Variants in RAPGEF4 observed in about 807,000 individuals in gnomAD.
RAPGEF4 encodes the protein Rap guanine nucleotide exchange factor 4.
A neutral mutation model predicts 147.9 loss-of-function variants in RAPGEF4; 66 were observed. That is an observed-to-expected ratio of 0.45 (90% CI 0.37 to 0.55). The LOEUF (loss-of-function observed/expected upper bound fraction) is 0.55, where lower values mean the gene tolerates loss of function less well. Ranked by LOEUF, RAPGEF4 falls within the 20% of genes least tolerant of loss-of-function variation. The pLI is 0.00. For synonymous variants in RAPGEF4, 419 were observed against 442.7 expected (o/e 0.95, Z 0.67); for missense variants, 1,071 against 1,257.3 (o/e 0.85, Z 2.24).
At chr2:172,919,774 C>T (rs535639278) in intron 5 of RAPGEF4, among the ~76,000 whole-genome samples, 89 of 152,214 alleles carry the variant, frequency 5.8e-4, no homozygotes, top group Middle Eastern at 3.4e-3. Flanking sequence ...TTCTGATTCC[C>T]GCAAAACCAG....
intron 1 of RAPGEF4, among the ~76,000 whole-genome samples, chr2:172,760,506 C>T (rs1040224936): frequency 6.6e-6 from 1 of 152,110 alleles, no homozygotes; most frequent in Non-Finnish European, 1.5e-5. Flanking sequence ...ATCACAAGGT[C>T]AGGAGATCGA....
At chr2:172,744,703 G>A (rs1319318261) in intron 1 of RAPGEF4, among the ~76,000 whole-genome samples, 1 of 152,134 alleles carries the variant, frequency 6.6e-6, no homozygotes, top group African/African-American at 2.4e-5. Context: ...GCATTTGCCA[G>A]GAATGCCAGG....
intron 23 of RAPGEF4, among the ~76,000 whole-genome samples, chr2:173,025,733 G>A (rs2105947211): frequency 6.6e-6 from 1 of 152,344 alleles, no homozygotes; most frequent in South Asian, 2.1e-4. Flanking sequence ...GTGAGCCACT[G>A]TGCCAGCCAC....
intron 3 of RAPGEF4, among the ~76,000 whole-genome samples, chr2:172,812,559 G>T (rs954841673): frequency 6.6e-6 from 1 of 152,154 alleles, no homozygotes; most frequent in Non-Finnish European, 1.5e-5. Context: ...CAAACTACTC[G>T]TGTCAGGGAT....
intron 1 of RAPGEF4, among the ~76,000 whole-genome samples, chr2:172,768,330 A>G (rs1239338358): frequency 6.6e-6 from 1 of 152,142 alleles, no homozygotes; most frequent in Non-Finnish European, 1.5e-5. Flanking sequence ...TATATCTACC[A>G]AAAAACCTTA....
At chr2:172,794,878 C>A in intron 1 of RAPGEF4, 147 bp from the exon 2 acceptor site, 1 of 817,620 alleles carries the variant, frequency 1.2e-6, no homozygotes, top group Non-Finnish European at 1.9e-6. Flanking sequence ...CCAGAAATAC[C>A]TATAAGGGGG....
At chr2:172,749,756 C>T (rs1695100273) in intron 1 of RAPGEF4, among the ~76,000 whole-genome samples, 1 of 152,178 alleles carries the variant, frequency 6.6e-6, no homozygotes, top group Admixed American at 6.5e-5. Flanking sequence ...CATCATTGGG[C>T]TGTGAATTTC....
intron 12 of RAPGEF4, among the ~76,000 whole-genome samples, chr2:172,986,475 G>T (rs866762982): frequency 6.6e-6 from 1 of 152,084 alleles, no homozygotes; most frequent in Non-Finnish European, 1.5e-5. Flanking sequence ...ATTTTAGTAA[G>T]AATGTAACTT....
At position 172,920,677 on chromosome 2, in the gene RAPGEF4, T is replaced by C. The variant is rs564992265; in HGVS notation, c.518-1604T>C. On this transcript the variant is annotated intron_variant, in intron 5 of 30. Transcript: ENST00000397081. ...CTTTTCAGTGTCATTTCTCTACAGATACCCTAATTTCCAGCTACTCATATA... is the reference window on the plus strand; with the variant it reads ...CTTTTCAGTGTCATTTCTCTACAGACACCCTAATTTCCAGCTACTCATATA... Among the ~76,000 whole-genome samples the C allele has an allele frequency of 8.5e-5, 13 of 152,324 alleles. No individual in the cohort carries two copies. The South Asian group carries it at 2.7e-3, about 32-fold the overall frequency.
chr2:172,961,696 AC>A (rs1457306449), intron 8 of RAPGEF4, among the ~76,000 whole-genome samples: 1 of 152,206 alleles, frequency 6.6e-6, no homozygotes, highest in Non-Finnish European at 1.5e-5. Context: ...TGTCCAAATC[AC>A]AAGTCTAGTG....
chr2:172,787,599 CTTTATTTATTTATTTA>C lies in RAPGEF4; in HGVS notation c.66-7403_66-7388del, dbSNP rs60645567. ...CTGTTTGGGCTGCTAAAACAAAGTG[CTTTATTTATTTATTTA>C]TTTATTTATTTATTTATTTATTGAG... On this transcript the variant is annotated intron_variant, in intron 1 of 30. Transcript: ENST00000397081. 5.5e-5 allele frequency among the ~76,000 whole-genome samples: 8 copies of C among 145,466 alleles called. No homozygotes were observed. In the East Asian group the frequency reaches 6.1e-4, roughly 11 times the overall value.
rs188488289 is a variant in RAPGEF4, at chr2:172,956,570, C to T, written c.538-4190C>T. Among the ~76,000 whole-genome samples, 1,407 of 151,078 alleles carry T rather than the reference C, an allele frequency of 9.3e-3. 20 individuals carry two copies. The highest frequency in any genetic ancestry group is 0.031 in the African/African-American group (1,271 of 41,218). Reference sequence around the variant, plus strand: ...CTGCAACCTCCGCCTCCCGGGTTCACGCCATTCTCCTGCCTCAGCCTCCCA... The same window carrying T: ...CTGCAACCTCCGCCTCCCGGGTTCATGCCATTCTCCTGCCTCAGCCTCCCA... On this transcript the variant is annotated intron_variant, in intron 6 of 30. Coordinates refer to ENST00000397081, the MANE Select transcript of RAPGEF4 (RefSeq NM_007023.4).
At chr2:172,826,735 T>C (rs930741495) in intron 4 of RAPGEF4, among the ~76,000 whole-genome samples, 1 of 152,104 alleles carries the variant, frequency 6.6e-6, no homozygotes, top group Admixed American at 6.5e-5. Context: ...GGGAGGGTGA[T>C]GCGAGCAGAT....
intron 6 of RAPGEF4, among the ~76,000 whole-genome samples, chr2:172,941,570 T>A (rs1412527645): frequency 2.6e-5 from 4 of 152,234 alleles, no homozygotes; most frequent in African/African-American, 9.6e-5. Flanking sequence ...GCTTTTTTTC[T>A]TATCATTATT....
At chr2:172,926,013 CGGAG>C (rs1216575540) in intron 6 of RAPGEF4, among the ~76,000 whole-genome samples, 35 of 65,036 alleles carry the variant, frequency 5.4e-4, no homozygotes, top group South Asian at 2.4e-3. Flanking sequence ...AAAGAAAGGA[CGGAG>C]GGAGGGAGGG....
rs369286856 is a variant in RAPGEF4 at position 172,960,172 on chromosome 2, T to A, written c.538-588T>A. On this transcript the variant is annotated intron_variant, in intron 6 of 30. Coordinates refer to ENST00000397081, the MANE Select transcript of RAPGEF4 (RefSeq NM_007023.4). ...ATCTGACAGTCACAGAATCCTGAAC[T>A]CTGTACACTTTCTTCTACTTAGTAG... Among the ~76,000 whole-genome samples the A allele has an allele frequency of 1.2e-4, 18 of 152,282 alleles. No homozygotes were observed. In the East Asian group the frequency reaches 2.7e-3, roughly 23 times the overall value.
chr2:172,917,508 G>A, intron 4 of RAPGEF4: 1 of 631,862 alleles, frequency 1.6e-6, no homozygotes, highest in Non-Finnish European at 3.0e-6. Flanking sequence ...GTTGGGGAGG[G>A]GTGCAGGGGG....
At chr2:172,933,956 A>G (rs1686250912) in intron 6 of RAPGEF4, among the ~76,000 whole-genome samples, 1 of 152,168 alleles carries the variant, frequency 6.6e-6, no homozygotes, top group African/African-American at 2.4e-5. Flanking sequence ...GGCCTGCTTG[A>G]AACAATTTAT....
chr2:172,890,562 C>T (rs74437699), intron 4 of RAPGEF4, among the ~76,000 whole-genome samples: 10,191 of 152,264 alleles, frequency 0.067, 387 homozygotes, highest in Middle Eastern at 0.095. Flanking sequence ...ATTAAGACTT[C>T]CTCCTCTTGG....
Sources: gnomAD v4.1 joint callset for allele counts (sites outside exome capture counted in the v4.1 genomes callset) on GRCh38, gnomAD v4.1.1 for gene constraint, MANE v1.5 for transcripts, NCBI Gene and HGNC (gene_info 2026-07-23, HGNC 2026-07-21) for gene names.